WWOX: variants seen among roughly 807,000 people sequenced by gnomAD.
WWOX encodes the protein WW domain containing oxidoreductase.
WWOX carries 69 observed loss-of-function variants against 46.2 expected under a neutral mutation model. That is an observed-to-expected ratio of 1.49 (90% CI 1.23 to 1.82). The LOEUF (loss-of-function observed/expected upper bound fraction) is 1.82, where lower values mean the gene tolerates loss of function less well. Ranked by LOEUF, WWOX falls within the 40% of genes most tolerant of loss-of-function variation. The pLI is 0.00. For missense variants in WWOX, 919 were observed against 542.6 expected, an observed-to-expected ratio of 1.69 and a Z score of -6.89; for synonymous variants, 359 against 202.6, an observed-to-expected ratio of 1.77 and a Z score of -6.56.
chr16:78,936,275 T>C (rs2045735261), intron 8 of WWOX, among the ~76,000 whole-genome samples: 1 of 152,260 alleles, frequency 6.6e-6, no homozygotes. Context: ...CCTTCAACCC[T>C]TGGACAGAGC....
rs1007928459 is a variant in WWOX at position 79,194,794 on chromosome 16, A to G, written c.1057-16814A>G. Among the ~76,000 whole-genome samples, 9 of 152,282 alleles carry G rather than the reference A, an allele frequency of 5.9e-5. No individual in the cohort carries two copies. The East Asian group carries it at 1.4e-3, about 23-fold the overall frequency. ...TAAATAATTTTTCCCCGTATTATAC[A>G]TTCAGTAGAGTTTCTGGAGAGAGTG... On this transcript the variant is annotated intron_variant, in intron 8 of 8. Coordinates refer to ENST00000566780, the MANE Select transcript of WWOX (RefSeq NM_016373.4).
chr16:79,088,584 AACTAAAAGAGGTTTTCTAG>A (rs1253014475), intron 8 of WWOX, among the ~76,000 whole-genome samples: 2 of 152,302 alleles, frequency 1.3e-5, no homozygotes, highest in East Asian at 3.9e-4. Context: ...TTCTTTTTGA[AACTAAAAGAGGTTTTCTAG>A]ACTCACTCCA....
At chr16:78,909,532 G>C (rs1248084145) in intron 8 of WWOX, among the ~76,000 whole-genome samples, 5 of 152,118 alleles carry the variant, frequency 3.3e-5, no homozygotes, top group Non-Finnish European at 5.9e-5. Context: ...CGTGCCTTCT[G>C]GATGGTTTTA....
In WWOX at chr16:78,161,282, T is replaced by A. The variant is rs148447024; in HGVS notation, c.410-2901T>A. Among the ~76,000 whole-genome samples the A allele has an allele frequency of 1.8e-3, 279 of 152,340 alleles. 2 individuals are homozygous for A. The highest frequency in any genetic ancestry group is 6.5e-3 in the African/African-American group (271 of 41,592). ...CCATCTTTAGGCCATTTATATTTAA[T>A]GTAATGACAGATATATTTGAGTTTG... On this transcript the variant is annotated intron_variant, in intron 4 of 8. Transcript: ENST00000566780.
At chr16:79,148,161 C>T (rs927825109) in intron 8 of WWOX, among the ~76,000 whole-genome samples, 1 of 151,964 alleles carries the variant, frequency 6.6e-6, no homozygotes, top group Admixed American at 6.6e-5. Context: ...ACCATATATC[C>T]CAAATAATTT....
At chr16:78,799,307 C>A (rs986879045) in intron 8 of WWOX, among the ~76,000 whole-genome samples, 1 of 152,228 alleles carries the variant, frequency 6.6e-6, no homozygotes. Context: ...GGAATGAAAA[C>A]CCCAGGGTAG....
intron 5 of WWOX, among the ~76,000 whole-genome samples, chr16:78,181,971 G>A (rs77323415): frequency 1.3e-5 from 2 of 152,082 alleles, no homozygotes; most frequent in Admixed American, 6.5e-5. Flanking sequence ...TTCCTTTTCC[G>A]CACCAGGCTC....
intron 8 of WWOX, among the ~76,000 whole-genome samples, chr16:78,821,323 G>C (rs2151144087): frequency 6.6e-6 from 1 of 152,172 alleles, no homozygotes; most frequent in Admixed American, 6.5e-5. Context: ...ATGGAGGGTG[G>C]GTCGGAAGCC....
intron 8 of WWOX, among the ~76,000 whole-genome samples, chr16:79,067,158 A>G (rs1298502424): frequency 6.6e-6 from 1 of 152,188 alleles, no homozygotes; most frequent in Non-Finnish European, 1.5e-5. Context: ...TCCAGCTTTC[A>G]TAGGGCCGGC....
At chr16:78,193,063 G>C (rs926570336) in intron 5 of WWOX, among the ~76,000 whole-genome samples, 5 of 152,316 alleles carry the variant, frequency 3.3e-5, no homozygotes, top group African/African-American at 1.2e-4. Context: ...TCTCCTTGCA[G>C]GGCCCAGGCT....
At position 78,144,523 on chromosome 16, in the gene WWOX, A is replaced by AT. The variant is rs138841166; in HGVS notation, c.410-19645dup. ...CACATATATATATATATATATATAT[A>AT]TTTTTTTTTTTTTTTGGAGATGGAG... On this transcript the variant is annotated intron_variant, in intron 4 of 8. Coordinates refer to ENST00000566780, the MANE Select transcript of WWOX (RefSeq NM_016373.4). 3.8e-4 allele frequency among the ~76,000 whole-genome samples: 7 copies of AT among 18,634 alleles called. 1 individual carries two copies. Among genetic ancestry groups the AT allele is most frequent in the Non-Finnish European group, 3.5e-4 (4 of 11,526 alleles). 12.2% of individuals were successfully genotyped at this position (18,634 alleles called of 152,430 possible).
At chr16:78,714,232 T>C (rs964240497) in intron 8 of WWOX, among the ~76,000 whole-genome samples, 6 of 152,228 alleles carry the variant, frequency 3.9e-5, no homozygotes, top group East Asian at 3.9e-4. Flanking sequence ...GATGGGGTAA[T>C]TTGTAAAAGA....
At chr16:78,952,176 C>A (rs1023744501) in intron 8 of WWOX, among the ~76,000 whole-genome samples, 1 of 151,986 alleles carries the variant, frequency 6.6e-6, no homozygotes, top group Non-Finnish European at 1.5e-5. Context: ...CTGCAGTTGC[C>A]CTCCTGCAGC....
intron 8 of WWOX, among the ~76,000 whole-genome samples, chr16:78,547,706 ACCT>A (rs1321277554): frequency 1.3e-5 from 2 of 151,932 alleles, no homozygotes; most frequent in Admixed American, 6.6e-5. Flanking sequence ...CTAGATGTTC[ACCT>A]CCTTGCTATG....
intron 8 of WWOX, among the ~76,000 whole-genome samples, chr16:78,845,900 T>C (rs2052286421): frequency 1.3e-5 from 2 of 152,156 alleles, no homozygotes; most frequent in Admixed American, 1.3e-4. Flanking sequence ...ATTTTCCCCA[T>C]TTAAGGTAGA....
At chr16:78,648,354 C>G (rs746439178) in intron 8 of WWOX, among the ~76,000 whole-genome samples, 1 of 152,170 alleles carries the variant, frequency 6.6e-6, no homozygotes, top group African/African-American at 2.4e-5. Flanking sequence ...CAGGAGCCAG[C>G]CGGCTCCCCT....
chr16:79,032,930 C>G (rs1022217753), intron 8 of WWOX, among the ~76,000 whole-genome samples: 5 of 151,558 alleles, frequency 3.3e-5, no homozygotes, highest in African/African-American at 1.2e-4. Flanking sequence ...ACCCTCCACC[C>G]TTTGGTAGGC....
At chr16:79,039,163 G>C (rs186310930) in intron 8 of WWOX, among the ~76,000 whole-genome samples, 1 of 152,220 alleles carries the variant, frequency 6.6e-6, no homozygotes, top group Admixed American at 6.5e-5. Flanking sequence ...TCTTTTTGCA[G>C]GTGATGCTCA....
chr16:78,538,420 A>G (rs1289613975), intron 8 of WWOX, among the ~76,000 whole-genome samples: 3 of 152,130 alleles, frequency 2.0e-5, no homozygotes, highest in Non-Finnish European at 4.4e-5. Flanking sequence ...GTGCAAGTTG[A>G]GGCCTGGTGT....
Sources: allele counts gnomAD v4.1 joint callset (sites outside exome capture counted in the v4.1 genomes callset), GRCh38; gene constraint gnomAD v4.1.1; transcripts MANE v1.5; gene names NCBI Gene and HGNC (gene_info 2026-07-23, HGNC 2026-07-21).